The following TOGARAM1 variants were observed in gnomAD, a reference collection of about 807,000 sequenced individuals.
TOGARAM1 encodes the protein TOG array regulator of axonemal microtubules 1.
In TOGARAM1, 100 loss-of-function variants were observed where a neutral mutation model predicts 166.6. The ratio of observed to expected loss-of-function variants is 0.60; its 90% CI spans 0.51 to 0.71. TOGARAM1 has a LOEUF of 0.71. Among genes scored for constraint, TOGARAM1 ranks in the 30% least tolerant of loss-of-function variants. The pLI, the probability that TOGARAM1 is intolerant of heterozygous loss-of-function variation, is 0.00. For missense variants in TOGARAM1, 2,029 were observed against 2,102.7 expected (o/e 0.96, Z 0.69); for synonymous variants, 758 against 763.8 (o/e 0.99, Z 0.13).
At chr14:45,038,328 C>T (rs966108893) in intron 11 of TOGARAM1, among the ~76,000 whole-genome samples, 9 of 152,248 alleles carry the variant, frequency 5.9e-5, no homozygotes, top group South Asian at 4.1e-4. Flanking sequence ...GGGCTCTTTC[C>T]GCCCACTTGG....
At chr14:45,049,767 G>C (rs938552107) in intron 14 of TOGARAM1, among the ~76,000 whole-genome samples, 39 of 151,994 alleles carry the variant, frequency 2.6e-4, no homozygotes, top group Non-Finnish European at 8.8e-5. Flanking sequence ...AAAAATTCAA[G>C]AGGGTTAGAT....
chr14:45,001,580 A>C (rs1221966495), intron 3 of TOGARAM1, among the ~76,000 whole-genome samples: 1 of 152,214 alleles, frequency 6.6e-6, no homozygotes, highest in Non-Finnish European at 1.5e-5. Context: ...ATACAATGTG[A>C]AAATGGGCAA....
rs760918034 is a variant in TOGARAM1 at position 45,028,279 on chromosome 14, A to G, written c.3608A>G (p.Asn1203Ser). The G allele has an allele frequency of 4.4e-6, 7 of 1,605,062 alleles. No homozygotes were observed. Among genetic ancestry groups the G allele is most frequent in the Non-Finnish European group, 5.9e-6 (7 of 1,177,936 alleles). ...HNKDCEKKEK[N>S]SWERMRHTGT... ...AAAGATTGTGAAAAGAAGGAAAAAAATTCCTGGGAACGAATGAGACATACA... is the reference window on the plus strand; with the variant it reads ...AAAGATTGTGAAAAGAAGGAAAAAAGTTCCTGGGAACGAATGAGACATACA... The change falls in exon 10 of 20, where the codon AAT (asparagine) becomes AGT (serine). Residue 1203 changes from asparagine (N) to serine (S), a missense_variant. Transcript: ENST00000361462.
chr14:45,049,154 C>T (rs1435584344), intron 14 of TOGARAM1, among the ~76,000 whole-genome samples: 1 of 148,284 alleles, frequency 6.7e-6, no homozygotes, highest in Admixed American at 6.7e-5. Context: ...ACACCACTCA[C>T]ATTTCTTTGC....
intron 1 of TOGARAM1, among the ~76,000 whole-genome samples, chr14:44,975,230 G>T (rs940516647): frequency 2.0e-5 from 3 of 152,022 alleles, no homozygotes; most frequent in African/African-American, 7.2e-5. Context: ...TGGAATGAAT[G>T]AACTCAATGG....
intron 5 of TOGARAM1, chr14:45,008,202 A>G (rs1879574822): frequency 6.6e-6 from 1 of 151,626 alleles, no homozygotes; most frequent in South Asian, 2.1e-4. Context: ...TGCTAGTCTT[A>G]ATATATTTTG....
In TOGARAM1 at chr14:45,073,700, G is replaced by T; in HGVS notation, c.*139G>T. The T allele has an allele frequency of 1.4e-6, 1 of 723,948 alleles. No homozygotes were observed. Among genetic ancestry groups the T allele is most frequent in the Middle Eastern group, 4.0e-4 (1 of 2,508 alleles). 44.8% of individuals were successfully genotyped at this position (723,948 alleles called of 1,614,324 possible). On this transcript the variant is annotated 3_prime_UTR_variant, in exon 20 of 20. Coordinates refer to ENST00000361462, the MANE Select transcript of TOGARAM1 (RefSeq NM_001308120.2). ...GGCTATTTTTATTTGCAGCCTATGA[G>T]TACACATCTGTCCTATATCAACCTT...
chr14:45,044,657 T>G lies in TOGARAM1; in HGVS notation c.3941T>G (p.Val1314Gly). The change falls in exon 13 of 20, where the codon GTT becomes GGT. Residue 1314 changes from valine to glycine, a missense_variant. By Grantham distance (109) the Val-to-Gly change is moderately radical. This residue lies in a region of TOGARAM1 where 576 missense variants were observed against 670.5 expected (regional missense o/e 0.86). Transcript: ENST00000361462. ...TAGGTGAAAAATTTACGTTCTGGAG[T>G]TTCTCGTGCTGCTGTGGTCTGTTTA... ...VQEVKNLRSG[V>G]SRAAVVCLSD... 1 of 1,598,216 alleles carries G rather than the reference T, an allele frequency of 6.3e-7. No homozygotes were observed.
chr14:45,009,612 T>C (rs541564765), intron 6 of TOGARAM1, among the ~76,000 whole-genome samples: 4 of 152,372 alleles, frequency 2.6e-5, no homozygotes, highest in South Asian at 4.1e-4. Context: ...CAGGACTTCA[T>C]GCCATAGCTC....
At chr14:45,025,906 G>GATGAATACA in intron 8 of TOGARAM1, 34 bp downstream of exon 8, 3 of 1,122,420 alleles carry the variant, frequency 2.7e-6, no homozygotes, top group Non-Finnish European at 4.0e-6. Context: ...TTAATTATAT[G>GATGAATACA]TATTCATCAT....
chr14:45,052,439 T>C lies in TOGARAM1; in HGVS notation c.4317T>C (p.Tyr1439=). Residue 1439 remains tyrosine (Y), a synonymous_variant, in exon 15 of 20, where the codon TAT becomes TAC. Coordinates refer to ENST00000361462, the MANE Select transcript of TOGARAM1 (RefSeq NM_001308120.2). The part of the protein sequence containing the change: ...FAQDSSQETR[Y]YGRKMLFFMM... ...CCTGTTTTTCAAATACTCACAGGTA[T>C]TATGGTCGAAAGATGCTGTTCTTCA... 6.2e-7 allele frequency: 1 copy of C among 1,610,946 alleles called. No homozygotes were observed. The highest frequency in any genetic ancestry group is 1.1e-5 in the South Asian group (1 of 90,602).
rs777695016 is a variant in TOGARAM1 at position 44,962,321 on chromosome 14, C to T, written c.-101C>T. ...GGCTGAAGCTGTTCTTTTGCCTCTT[C>T]TGCAGCTTGGGGCTTGGAGAGGATC... On this transcript the variant is annotated 5_prime_UTR_variant, in exon 1 of 20. Transcript: ENST00000361462. 1 of 1,401,362 alleles carries T rather than the reference C, an allele frequency of 7.1e-7. No individual in the cohort carries two copies. Among genetic ancestry groups the T allele is most frequent in the Non-Finnish European group, 9.4e-7 (1 of 1,065,136 alleles). 86.8% of individuals were successfully genotyped at this position (1,401,362 alleles called of 1,614,324 possible).
intron 16 of TOGARAM1, among the ~76,000 whole-genome samples, chr14:45,063,360 T>C (rs1882985567): frequency 1.3e-5 from 2 of 152,196 alleles, no homozygotes; most frequent in African/African-American, 2.4e-5. Context: ...GCAGAAAGTT[T>C]TTCCAAAGTG....
At chr14:45,064,066 T>A (rs1486312565) in intron 16 of TOGARAM1, among the ~76,000 whole-genome samples, 1 of 152,150 alleles carries the variant, frequency 6.6e-6, no homozygotes, top group South Asian at 2.1e-4. Context: ...TTAGTAATTT[T>A]CTATCCACTG....
At chr14:45,051,708 C>T (rs946801059) in intron 14 of TOGARAM1, among the ~76,000 whole-genome samples, 8 of 151,882 alleles carry the variant, frequency 5.3e-5, no homozygotes, top group African/African-American at 1.7e-4. Context: ...TACCTGAGCA[C>T]GCCAACACAT....
intron 9 of TOGARAM1, among the ~76,000 whole-genome samples, chr14:45,027,859 G>C (rs1880944542): frequency 6.7e-6 from 1 of 149,208 alleles, no homozygotes; most frequent in Admixed American, 6.7e-5. Flanking sequence ...GGGCAATACA[G>C]TGAAACTGTC....
intron 11 of TOGARAM1, among the ~76,000 whole-genome samples, chr14:45,035,021 C>T (rs1234239767): frequency 6.6e-6 from 1 of 151,880 alleles, no homozygotes; most frequent in Non-Finnish European, 1.5e-5. Flanking sequence ...TATAAGAAAC[C>T]CAAAACTAAT....
In TOGARAM1 at chr14:44,967,007, G is replaced by GT. The variant is rs61616302; in HGVS notation, c.2046+2550dup. Reference sequence around the variant, plus strand: ...TAACATGATGCCTAGCCTTACTTTGGTTTTTTTTTTCTTGCTTCAGACCTG... The same window carrying GT: ...TAACATGATGCCTAGCCTTACTTTGGTTTTTTTTTTTCTTGCTTCAGACCTG... On this transcript the variant is annotated intron_variant, in intron 1 of 19. Coordinates refer to ENST00000361462, the MANE Select transcript of TOGARAM1 (RefSeq NM_001308120.2). Among the ~76,000 whole-genome samples, 1,270 of 148,902 alleles carry GT rather than the reference G, an allele frequency of 8.5e-3. 17 individuals are homozygous for GT. Among genetic ancestry groups the GT allele is most frequent in the African/African-American group, 0.029 (1,180 of 40,638 alleles).
chr14:45,035,203 T>C (rs999885118), intron 11 of TOGARAM1, among the ~76,000 whole-genome samples: 2 of 151,730 alleles, frequency 1.3e-5, no homozygotes, highest in Non-Finnish European at 1.5e-5. Flanking sequence ...CTACCAAAAA[T>C]ACAAAAATTA....
Sources: allele counts gnomAD v4.1 joint callset (sites outside exome capture counted in the v4.1 genomes callset), GRCh38; gene constraint gnomAD v4.1.1; regional missense constraint gnomAD v4.1.1; transcripts MANE v1.5; gene names NCBI Gene and HGNC (gene_info 2026-07-23, HGNC 2026-07-21).